Variants in GRID1 observed in about 807,000 individuals in gnomAD.
The protein encoded by GRID1 is glutamate ionotropic receptor delta type subunit 1.
A neutral mutation model predicts 98.0 loss-of-function variants in GRID1; 28 were observed. The ratio of observed to expected loss-of-function variants is 0.29; its 90% CI spans 0.21 to 0.39. The LOEUF (loss-of-function observed/expected upper bound fraction) is 0.39. Among genes scored for constraint, GRID1 ranks in the 10% least tolerant of loss-of-function variants. GRID1 has a pLI of 1.00. For missense variants in GRID1, 1,111 were observed against 1,340.5 expected (o/e 0.83, Z 2.67); for synonymous variants, 553 against 538.5 (o/e 1.03, Z -0.37).
chr10:86,251,205 C>A (rs1027174249), intron 2 of GRID1, among the ~76,000 whole-genome samples: 1 of 152,030 alleles, frequency 6.6e-6, no homozygotes, highest in Non-Finnish European at 1.5e-5. Context: ...ACAATCACTG[C>A]GGAAGGAAGG....
chr10:86,328,415 T>C (rs764134818), intron 2 of GRID1, among the ~76,000 whole-genome samples: 4 of 152,204 alleles, frequency 2.6e-5, no homozygotes, highest in Non-Finnish European at 4.4e-5. Context: ...AGTTGAAGGC[T>C]GAAGACAAAA....
At chr10:86,327,659 G>A (rs1848072006) in intron 2 of GRID1, among the ~76,000 whole-genome samples, 1 of 152,196 alleles carries the variant, frequency 6.6e-6, no homozygotes, top group Non-Finnish European at 1.5e-5. Context: ...AGAACTGCAT[G>A]TGTTAGGTAG....
Position 85,869,587 on chromosome 10 carries a change from T to A in GRID1, c.781-407A>T, listed in dbSNP as rs1281703062. Among the ~76,000 whole-genome samples, 5 of 152,322 alleles carry A rather than the reference T, an allele frequency of 3.3e-5. No individual in the cohort carries two copies. In the South Asian group the frequency reaches 6.2e-4, roughly 19 times the overall value. On this transcript the variant is annotated intron_variant, in intron 5 of 15. Transcript: ENST00000327946. ...TCTGCCATAGTTGATCAATATACAA[T>A]GAGTTTCCATGAATTCTTCCAGAAT...
intron 15 of GRID1, among the ~76,000 whole-genome samples, chr10:85,609,917 T>C (rs546530992): frequency 7.0e-4 from 107 of 152,344 alleles, no homozygotes; most frequent in African/African-American, 2.4e-3. Flanking sequence ...TTCACCTGCA[T>C]TGGGTAACTA....
At position 85,916,304 on chromosome 10, in the gene GRID1, T is replaced by G. The variant is rs901498342; in HGVS notation, c.727-65A>C. On this transcript the variant is annotated intron_variant, in intron 4 of 15. Coordinates refer to ENST00000327946, the MANE Select transcript of GRID1 (RefSeq NM_017551.3). This position sits in a 1 kb window ranked among gnomAD's most constrained non-coding sequence, Gnocchi z 4.0. ...CAGAAGCTGGCAGACACAGGATGAT[T>G]GCCGAGACAGAGTTTTATAAACATT... 116 of 1,153,328 alleles carry G rather than the reference T, an allele frequency of 1.0e-4. No individual in the cohort carries two copies. The African/African-American group carries it at 1.6e-3, about 16-fold the overall frequency. The allele number at this position is 1,153,328 out of a possible 1,614,324, so 71.4% of individuals were successfully genotyped here.
intron 4 of GRID1, among the ~76,000 whole-genome samples, chr10:86,034,952 G>GGATGGATA (rs1843237913): frequency 7.0e-6 from 1 of 143,560 alleles, no homozygotes; most frequent in Non-Finnish European, 1.5e-5. Flanking sequence ...ATGGATGGAT[G>GGATGGATA]GATAGATGGT....
chr10:86,190,402 G>A (rs936423948), intron 3 of GRID1, among the ~76,000 whole-genome samples: 1 of 152,192 alleles, frequency 6.6e-6, no homozygotes, highest in Non-Finnish European at 1.5e-5. Context: ...GCTGCCCCTG[G>A]GCCCCACAAC....
intron 4 of GRID1, among the ~76,000 whole-genome samples, chr10:85,940,411 T>C (rs1172275032): frequency 2.0e-5 from 3 of 152,168 alleles, no homozygotes; most frequent in Non-Finnish European, 4.4e-5. Context: ...AGTGATATCA[T>C]ATGCAGACCC....
intron 8 of GRID1, among the ~76,000 whole-genome samples, chr10:85,798,782 A>G (rs952985551): frequency 2.0e-5 from 3 of 151,954 alleles, no homozygotes; most frequent in African/African-American, 7.3e-5. Context: ...GTTTATAAAT[A>G]TTTATTTTCT....
chr10:85,734,437 T>A (rs1187161522), intron 8 of GRID1, among the ~76,000 whole-genome samples: 1 of 152,182 alleles, frequency 6.6e-6, no homozygotes, highest in African/African-American at 2.4e-5. Flanking sequence ...TCCAAGCCTA[T>A]TATCATGCTT....
At chr10:86,087,514 G>C (rs1280915624) in intron 4 of GRID1, among the ~76,000 whole-genome samples, 1 of 150,300 alleles carries the variant, frequency 6.7e-6, no homozygotes, top group Non-Finnish European at 1.5e-5. Flanking sequence ...GTGTGTCTGT[G>C]TGTGTGTGTG....
rs538457391 is a variant in GRID1, at chr10:85,988,377, T to C, written c.727-72138A>G. Among the ~76,000 whole-genome samples, 21 of 152,294 alleles carry C rather than the reference T, an allele frequency of 1.4e-4. 1 individual carries two copies. In the South Asian group the frequency reaches 4.1e-3, roughly 30 times the overall value. On this transcript the variant is annotated intron_variant, in intron 4 of 15. Transcript: ENST00000327946. The stretch of plus-strand genomic sequence containing the variant: ...GAATGAAATATAAGGATGAATTAAG[T>C]AAATATGTAGGGAAGCTTTTTTCAG...
At chr10:85,757,029 C>G (rs1448483706) in intron 8 of GRID1, among the ~76,000 whole-genome samples, 1 of 152,078 alleles carries the variant, frequency 6.6e-6, no homozygotes, top group East Asian at 1.9e-4. Flanking sequence ...TTTGTATAGC[C>G]CCTCCAAGGA....
intron 3 of GRID1, among the ~76,000 whole-genome samples, chr10:86,165,501 G>A (rs1418509687): frequency 6.6e-6 from 1 of 152,210 alleles, no homozygotes; most frequent in Non-Finnish European, 1.5e-5. Flanking sequence ...GAAGAGGGGA[G>A]GTGTTGAGCC....
At chr10:85,684,701 A>G (rs1315068953) in intron 12 of GRID1, among the ~76,000 whole-genome samples, 1 of 152,258 alleles carries the variant, frequency 6.6e-6, no homozygotes. Context: ...CATACTATTT[A>G]GCTCAGGCTG....
intron 2 of GRID1, among the ~76,000 whole-genome samples, chr10:86,299,485 C>T (rs1847650054): frequency 6.6e-6 from 1 of 151,150 alleles, no homozygotes; most frequent in South Asian, 2.1e-4. Context: ...CCTCCCCCCT[C>T]GCCCCCCTCC....
chr10:85,609,521 G>A (rs1482541027), intron 15 of GRID1, among the ~76,000 whole-genome samples: 1 of 152,236 alleles, frequency 6.6e-6, no homozygotes, highest in Non-Finnish European at 1.5e-5. Flanking sequence ...AAGGAGTGGA[G>A]GCAAGAAAGG....
At chr10:86,007,867 G>A (rs927859666) in intron 4 of GRID1, among the ~76,000 whole-genome samples, 3 of 150,042 alleles carry the variant, frequency 2.0e-5, no homozygotes, top group African/African-American at 7.5e-5. Context: ...GTTAGGGGGA[G>A]TTGTCACAAA....
intron 4 of GRID1, among the ~76,000 whole-genome samples, chr10:85,937,376 G>A (rs572270242): frequency 7.2e-5 from 11 of 152,292 alleles, no homozygotes; most frequent in South Asian, 2.1e-4. Context: ...GACTGGCCCC[G>A]GTGGGCATCA....
Sources: allele counts gnomAD v4.1 joint callset (sites outside exome capture counted in the v4.1 genomes callset), GRCh38; gene constraint gnomAD v4.1.1; non-coding constraint Gnocchi (gnomAD v3.1); transcripts MANE v1.5; gene names NCBI Gene and HGNC (gene_info 2026-07-23, HGNC 2026-07-21).